TDRD3: variants seen among roughly 807,000 people sequenced by gnomAD.
TDRD3 encodes the protein tudor domain containing 3, also known as tudor domain-containing protein 3.
Under a neutral mutation model 86.7 loss-of-function variants are expected in TDRD3, and 45 were observed. The ratio of observed to expected loss-of-function variants is 0.52; its 90% CI spans 0.41 to 0.67. The LOEUF (loss-of-function observed/expected upper bound fraction) is 0.67, where lower values mean the gene tolerates loss of function less well. TDRD3 is among the 30% of genes least tolerant of loss of function. The probability of loss-of-function intolerance (pLI) is 0.00; values close to 1 mark genes in which losing one functional copy is unlikely to be tolerated. For synonymous variants in TDRD3, 298 were observed against 301.7 expected, an observed-to-expected ratio of 0.99 and a Z score of 0.13; for missense variants, 814 against 889.0, an observed-to-expected ratio of 0.92 and a Z score of 1.07.
chr13:60,500,217 C>T (rs570865934), intron 8 of TDRD3, among the ~76,000 whole-genome samples: 3 of 152,294 alleles, frequency 2.0e-5, no homozygotes, highest in Admixed American at 6.5e-5. Context: ...AACTGCCTAT[C>T]ATGAACTGGG....
intron 12 of TDRD3, among the ~76,000 whole-genome samples, chr13:60,548,704 T>G (rs1957984368): frequency 6.6e-6 from 1 of 152,182 alleles, no homozygotes; most frequent in Non-Finnish European, 1.5e-5. Flanking sequence ...AAAATACACT[T>G]TGAAATTTAC....
At chr13:60,404,017 T>C (rs1954168655) in intron 1 of TDRD3, among the ~76,000 whole-genome samples, 1 of 152,228 alleles carries the variant, frequency 6.6e-6, no homozygotes. Context: ...AAACATGATA[T>C]ACACTGTTAT....
At chr13:60,467,139 A>G (rs1955960288) in intron 4 of TDRD3, 99 bp from the exon 5 acceptor site, 1 of 1,401,984 alleles carries the variant, frequency 7.1e-7, no homozygotes, top group South Asian at 1.3e-5. Flanking sequence ...CCCTCCCACT[A>G]CCCCACTGCC....
At chr13:60,559,221 A>G (rs1448634090) in intron 12 of TDRD3, among the ~76,000 whole-genome samples, 2 of 152,146 alleles carry the variant, frequency 1.3e-5, no homozygotes, top group Admixed American at 6.5e-5. Context: ...GGTCATTACT[A>G]TAATCTATAT....
chr13:60,498,017 C>G (rs1353472580), intron 8 of TDRD3, among the ~76,000 whole-genome samples: 1 of 151,814 alleles, frequency 6.6e-6, no homozygotes, highest in African/African-American at 2.4e-5. Context: ...AGTTTATTTG[C>G]TTGGTTAGCT....
chr13:60,487,093 A>G (rs186488426), intron 7 of TDRD3, among the ~76,000 whole-genome samples: 1 of 152,174 alleles, frequency 6.6e-6, no homozygotes, highest in East Asian at 1.9e-4. Context: ...CTAAATGTGT[A>G]CAAACTTTTT....
intron 4 of TDRD3, among the ~76,000 whole-genome samples, chr13:60,463,854 G>T (rs961718699): frequency 6.6e-6 from 1 of 152,142 alleles, no homozygotes; most frequent in East Asian, 1.9e-4. Context: ...CTATAGTTTG[G>T]ATATTTGACC....
intron 1 of TDRD3, among the ~76,000 whole-genome samples, chr13:60,404,233 A>G (rs1954174496): frequency 6.9e-6 from 1 of 144,240 alleles, no homozygotes; most frequent in South Asian, 2.3e-4. Flanking sequence ...ATATTTGGCT[A>G]AGGAAAAAAC....
chr13:60,556,082 G>A (rs1460828339), intron 12 of TDRD3, among the ~76,000 whole-genome samples: 2 of 152,016 alleles, frequency 1.3e-5, no homozygotes, highest in Admixed American at 6.6e-5. Context: ...TCCTGACCTC[G>A]TGATCTGCCT....
intron 5 of TDRD3, among the ~76,000 whole-genome samples, chr13:60,473,143 C>T (rs981350652): frequency 4.6e-5 from 7 of 152,172 alleles, no homozygotes; most frequent in African/African-American, 1.7e-4. Context: ...GGCCTTCCTG[C>T]TGCATCATAA....
chr13:60,479,329 T>G (rs886065057), intron 5 of TDRD3, among the ~76,000 whole-genome samples: 2 of 152,220 alleles, frequency 1.3e-5, no homozygotes, highest in African/African-American at 4.8e-5. Flanking sequence ...TGCTGTTGAT[T>G]TCTATTTTTA....
At chr13:60,415,344 C>T (rs1211288824) in intron 1 of TDRD3, among the ~76,000 whole-genome samples, 1 of 151,976 alleles carries the variant, frequency 6.6e-6, no homozygotes, top group Non-Finnish European at 1.5e-5. Flanking sequence ...TGATGTTATT[C>T]TGATTATATT....
chr13:60,510,681 G>A lies in TDRD3; in HGVS notation c.1067G>A (p.Gly356Glu). The A allele has an allele frequency of 3.1e-6, 5 of 1,606,776 alleles. No homozygotes were observed. Among genetic ancestry groups the A allele is most frequent in the Non-Finnish European group, 4.2e-6 (5 of 1,176,562 alleles). Residue 356 changes from glycine (G) to glutamate (E), a missense_variant, in exon 10 of 14, where the codon GGA becomes GAA. Transcript: ENST00000377881. ...AGATCTGAAGATGAAGAGGACCTGG[G>A]AAATGCAAGGCCATCAGCACCAAGC... is the stretch of plus-strand genomic sequence containing the variant. ...RIRSEDEEDL[G>E]NARPSAPSTL...
At chr13:60,525,086 C>CAAA (rs372010456) in intron 10 of TDRD3, among the ~76,000 whole-genome samples, 567 of 39,574 alleles carry the variant, frequency 0.014, 13 homozygotes, top group African/African-American at 0.025. Flanking sequence ...AATTTTCTCT[C>CAAA]AAAAAAAAAA....
At chr13:60,545,000 CCTT>C (rs1957906620) in intron 12 of TDRD3, among the ~76,000 whole-genome samples, 1 of 152,082 alleles carries the variant, frequency 6.6e-6, no homozygotes, top group Non-Finnish European at 1.5e-5. Context: ...ACTGAAAAGT[CCTT>C]CTTCAGACAC....
chr13:60,564,217 G>T (rs759259678), intron 12 of TDRD3, among the ~76,000 whole-genome samples: 3 of 151,908 alleles, frequency 2.0e-5, no homozygotes, highest in Non-Finnish European at 4.4e-5. Flanking sequence ...AGTGATCATG[G>T]CCCATGACAC....
intron 1 of TDRD3, among the ~76,000 whole-genome samples, chr13:60,400,919 A>G (rs890967290): frequency 1.3e-5 from 2 of 152,170 alleles, no homozygotes; most frequent in Admixed American, 1.3e-4. Flanking sequence ...TCCACCAAAA[A>G]TTAACAGAAG....
intron 12 of TDRD3, among the ~76,000 whole-genome samples, chr13:60,562,732 TAAAAG>T (rs756150950): frequency 3.3e-5 from 5 of 152,234 alleles, no homozygotes; most frequent in African/African-American, 7.2e-5. Context: ...CAAATTCTGT[TAAAAG>T]AAACAAATGA....
chr13:60,561,551 C>T (rs926787145), intron 12 of TDRD3, among the ~76,000 whole-genome samples: 4 of 152,118 alleles, frequency 2.6e-5, no homozygotes, highest in East Asian at 1.9e-4. Context: ...AGGAATTCTA[C>T]GTGAGATTTC....
Sources: allele counts gnomAD v4.1 joint callset (sites outside exome capture counted in the v4.1 genomes callset), GRCh38; gene constraint gnomAD v4.1.1; transcripts MANE v1.5; gene names NCBI Gene and HGNC (gene_info 2026-07-23, HGNC 2026-07-21).